The following NRCAM variants were observed in gnomAD, a reference collection of about 807,000 sequenced individuals.
NRCAM encodes the protein neuronal cell adhesion molecule, also known as NgCAM-related cell adhesion molecule.
In NRCAM, 83 loss-of-function variants were observed where a neutral mutation model predicts 156.5. The observed-to-expected ratio is 0.53, with a 90% CI of 0.44 to 0.64. The LOEUF is 0.64. NRCAM is among the 30% of genes least tolerant of loss of function. The pLI is 0.00. For missense variants in NRCAM, 1,417 were observed against 1,597.3 expected, an observed-to-expected ratio of 0.89 and a Z score of 1.92; for synonymous variants, 538 against 563.9, an observed-to-expected ratio of 0.95 and a Z score of 0.65.
At chr7:108,155,101 T>TATATACACACACAC (rs1270777439) in intron 32 of NRCAM, among the ~76,000 whole-genome samples, 12 of 123,096 alleles carry the variant, frequency 9.7e-5, no homozygotes, top group African/African-American at 3.5e-4. Context: ...TATATATATA[T>TATATACACACACAC]ACACACACAC....
intron 2 of NRCAM, among the ~76,000 whole-genome samples, chr7:108,397,073 G>A (rs550685595): frequency 6.6e-6 from 1 of 152,208 alleles, no homozygotes; most frequent in Non-Finnish European, 1.5e-5. Flanking sequence ...AAGACATATA[G>A]ATAACTTTAC....
At chr7:108,299,397 G>A (rs768035499) in intron 3 of NRCAM, among the ~76,000 whole-genome samples, 5 of 152,080 alleles carry the variant, frequency 3.3e-5, no homozygotes, top group African/African-American at 9.7e-5. Flanking sequence ...TTCTATTACT[G>A]TGGACAAAGG....
chr7:108,434,916 G>T (rs550513251), intron 1 of NRCAM, among the ~76,000 whole-genome samples: 1 of 151,948 alleles, frequency 6.6e-6, no homozygotes, highest in East Asian at 1.9e-4. Context: ...AATTTCTCAG[G>T]GTAGAGAAAA....
chr7:108,364,333 A>C (rs897298137), intron 2 of NRCAM, among the ~76,000 whole-genome samples: 6 of 152,248 alleles, frequency 3.9e-5, no homozygotes, highest in African/African-American at 1.4e-4. Flanking sequence ...TAAGATAGCT[A>C]TAATAGAAAA....
Position 108,162,676 on chromosome 7 carries a change from T to A in NRCAM, c.3467-2184A>T, listed in dbSNP as rs538881419. Among the ~76,000 whole-genome samples, 10 of 152,302 alleles carry A rather than the reference T, an allele frequency of 6.6e-5. No individual in the cohort carries two copies. In the South Asian group the frequency reaches 1.9e-3, roughly 28 times the overall value. ...GATGGGTGGTACACAAACATCCACA[T>A]TCACTGACTTTGAATTTCTGCCTCT... On this transcript the variant is annotated intron_variant, in intron 30 of 32. Coordinates refer to ENST00000379028, the MANE Select transcript of NRCAM (RefSeq NM_001037132.4).
intron 1 of NRCAM, among the ~76,000 whole-genome samples, chr7:108,420,523 G>T (rs2108255): frequency 6.6e-6 from 1 of 152,070 alleles, no homozygotes; most frequent in African/African-American, 2.4e-5. Context: ...CCTTTACAAG[G>T]GGGGGAGTTT....
chr7:108,303,307 C>T (rs1229808382), intron 3 of NRCAM, among the ~76,000 whole-genome samples: 1 of 152,084 alleles, frequency 6.6e-6, no homozygotes, highest in Non-Finnish European at 1.5e-5. Context: ...ACCATCTGTC[C>T]AGTCTCTAAT....
intron 3 of NRCAM, among the ~76,000 whole-genome samples, chr7:108,248,074 C>G (rs1391481339): frequency 6.6e-6 from 1 of 152,196 alleles, no homozygotes; most frequent in Non-Finnish European, 1.5e-5. Flanking sequence ...GTCACTGAAA[C>G]AAGCTCTAGC....
At chr7:108,360,611 G>C (rs1161233033) in intron 2 of NRCAM, among the ~76,000 whole-genome samples, 2 of 152,210 alleles carry the variant, frequency 1.3e-5, no homozygotes, top group African/African-American at 4.8e-5. Flanking sequence ...CAAAGCTGCA[G>C]CAGTCAGGAC....
intron 28 of NRCAM, among the ~76,000 whole-genome samples, chr7:108,173,977 C>A (rs1450170501): frequency 2.0e-5 from 3 of 152,182 alleles, no homozygotes; most frequent in Non-Finnish European, 4.4e-5. Context: ...TCTCTGCTAT[C>A]AGCTCTAGGC....
intron 5 of NRCAM, among the ~76,000 whole-genome samples, chr7:108,237,114 A>G (rs1332498381): frequency 6.6e-6 from 1 of 152,198 alleles, no homozygotes; most frequent in Non-Finnish European, 1.5e-5. Flanking sequence ...GAAATTATCA[A>G]ATGCCTGAAA....
chr7:108,236,107 C>T (rs1024768151), intron 5 of NRCAM, among the ~76,000 whole-genome samples: 1 of 152,148 alleles, frequency 6.6e-6, no homozygotes, highest in African/African-American at 2.4e-5. Flanking sequence ...CCAAACATTT[C>T]TCAAAGCTCA....
At chr7:108,415,023 A>G (rs1799781545) in intron 1 of NRCAM, among the ~76,000 whole-genome samples, 1 of 152,164 alleles carries the variant, frequency 6.6e-6, no homozygotes, top group African/African-American at 2.4e-5. Context: ...GCTACTCCTC[A>G]TATTACCACA....
At chr7:108,206,586 C>T (rs767292463) in intron 13 of NRCAM, among the ~76,000 whole-genome samples, 2 of 152,078 alleles carry the variant, frequency 1.3e-5, no homozygotes, top group Non-Finnish European at 2.9e-5. Flanking sequence ...CTCCTCTCGG[C>T]AGTAGCTGGT....
In NRCAM at chr7:108,242,596, C is replaced by T. The variant is rs114312968; in HGVS notation, c.-106-2426G>A. Among the ~76,000 whole-genome samples the T allele has an allele frequency of 3.9e-3, 591 of 152,226 alleles. 2 individuals are homozygous for T. Among genetic ancestry groups the T allele is most frequent in the African/African-American group, 0.013 (557 of 41,544 alleles). ...AAGCTTTAGGGAAGTTAAAAATAAA[C>T]GTCACAAATAGCATTGAAAACATGC... is the stretch of plus-strand genomic sequence containing the variant. On this transcript the variant is annotated intron_variant, in intron 3 of 32. Transcript: ENST00000379028.
chr7:108,410,763 A>T (rs1289533868), intron 1 of NRCAM, among the ~76,000 whole-genome samples: 2 of 152,162 alleles, frequency 1.3e-5, no homozygotes, highest in African/African-American at 4.8e-5. Context: ...CCTATCAGGG[A>T]TAGTGGAGGA....
chr7:108,421,112 A>T (rs1284210982), intron 1 of NRCAM, among the ~76,000 whole-genome samples: 4 of 152,210 alleles, frequency 2.6e-5, no homozygotes, highest in Admixed American at 1.3e-4. Context: ...TTATGCCTCT[A>T]CCATGAGCTC....
chr7:108,405,692 C>T (rs1031066089), intron 1 of NRCAM, among the ~76,000 whole-genome samples: 6 of 152,058 alleles, frequency 3.9e-5, no homozygotes, highest in Admixed American at 1.3e-4. Flanking sequence ...GATGACATTA[C>T]GTTTTAGTTA....
intron 3 of NRCAM, among the ~76,000 whole-genome samples, chr7:108,251,658 G>A (rs888527701): frequency 5.9e-5 from 9 of 152,228 alleles, no homozygotes; most frequent in African/African-American, 2.2e-4. Context: ...ATGGGAAAGT[G>A]AGTACCAGCC....
Sources: gnomAD v4.1 joint callset for allele counts (sites outside exome capture counted in the v4.1 genomes callset) on GRCh38, gnomAD v4.1.1 for gene constraint, MANE v1.5 for transcripts, NCBI Gene and HGNC (gene_info 2026-07-23, HGNC 2026-07-21) for gene names.